The following COL15A1 variants were observed in gnomAD, a reference collection of about 807,000 sequenced individuals.
The protein encoded by COL15A1 is collagen alpha-1(XV) chain.
A neutral mutation model predicts 165.9 loss-of-function variants in COL15A1; 111 were observed. That is an observed-to-expected ratio of 0.67 (90% confidence interval 0.57 to 0.78). The LOEUF (loss-of-function observed/expected upper bound fraction) is 0.78. COL15A1 is among the 30% of genes least tolerant of loss of function. The pLI is 0.00. For synonymous variants in COL15A1, 659 were observed against 674.8 expected (o/e 0.98, Z 0.36); for missense variants, 1,745 against 1,789.7 (o/e 0.98, Z 0.45).
intron 34 of COL15A1, 21 bp from the exon 35 acceptor site, chr9:99,056,236 GTTA>G (rs1472985944): frequency 6.2e-7 from 1 of 1,612,466 alleles, no homozygotes; most frequent in Non-Finnish European, 8.5e-7. Context: ...CTTTCTCTCT[GTTA>G]TTGTGTGCTT....
chr9:99,069,830 A>C lies in COL15A1; in HGVS notation c.4111A>C (p.Asn1371His), dbSNP rs1419681224. The C allele has an allele frequency of 6.2e-7, 1 of 1,614,222 alleles. No individual in the cohort carries two copies. Among genetic ancestry groups the C allele is most frequent in the Admixed American group, 1.7e-5 (1 of 60,034 alleles). ...ILDQKAYSCA[N>H]RLIVLCIENS... ...GGACCAGAAAGCATACAGCTGTGCT[A>C]ATCGGCTAATTGTCCTATGTATCGA... is the stretch of plus-strand genomic sequence containing the variant. The change falls in exon 42 of 42, where the codon AAT becomes CAT. Residue 1371 changes from asparagine (N) to histidine (H), a missense_variant. Asn to His is a moderately conservative substitution (Grantham distance 68). Coordinates refer to ENST00000375001, the MANE Select transcript of COL15A1 (RefSeq NM_001855.5).
chr9:98,995,070 C>A (rs762662871), intron 5 of COL15A1, among the ~76,000 whole-genome samples: 3 of 152,298 alleles, frequency 2.0e-5, no homozygotes, highest in Admixed American at 2.0e-4. Flanking sequence ...TACCAGCCAC[C>A]AGCAGCCTCA....
intron 40 of COL15A1, among the ~76,000 whole-genome samples, chr9:99,067,415 G>A (rs1825913459): frequency 6.6e-6 from 1 of 152,194 alleles, no homozygotes; most frequent in South Asian, 2.1e-4. Context: ...AGGCTCAGAA[G>A]AAGAAACCAG....
chr9:99,025,076 A>G (rs1839100520), intron 15 of COL15A1, 77 bp downstream of exon 15: 2 of 1,372,874 alleles, frequency 1.5e-6, no homozygotes. Context: ...ACAGATTGCA[A>G]AACCCAGCAC....
intron 13 of COL15A1, 36 bp downstream of exon 13, chr9:99,022,186 T>G: frequency 6.2e-7 from 1 of 1,613,518 alleles, no homozygotes; most frequent in Non-Finnish European, 8.5e-7. Context: ...CACACACAGG[T>G]GTAAGACCAG....
At position 98,950,673 on chromosome 9, in the gene COL15A1, C is replaced by T. The variant is rs999834707; in HGVS notation, c.100+6423C>T. Among the ~76,000 whole-genome samples the T allele has an allele frequency of 6.7e-5, 10 of 149,678 alleles. No homozygotes were observed. The East Asian group carries it at 1.4e-3, about 21-fold the overall frequency. The stretch of plus-strand genomic sequence containing the variant: ...TGTCACCCAGGCTGGAGTTGGTGGC[C>T]GGCCCATCTTGGCTCACTGCAACCT... On this transcript the variant is annotated intron_variant, in intron 2 of 41. Coordinates refer to ENST00000375001, the MANE Select transcript of COL15A1 (RefSeq NM_001855.5).
intron 18 of COL15A1, 90 bp from the exon 19 acceptor site, chr9:99,035,260 C>T: frequency 6.2e-7 from 1 of 1,600,888 alleles, no homozygotes. Flanking sequence ...TGCGGATTCC[C>T]CTGTGAGCCG....
At position 98,985,662 on chromosome 9, in the gene COL15A1, C is replaced by T. The variant is rs1458567774; in HGVS notation, c.198C>T (p.Ala66=). The part of the protein sequence containing the change: ...SFVTGYGGFP[A]YSFGPGANVG... Reference sequence around the variant, plus strand: ...TCACAGGCTATGGTGGCTTCCCGGCCTACAGTTTCGGGCCTGGTGCCAATG... The same window carrying T: ...TCACAGGCTATGGTGGCTTCCCGGCTTACAGTTTCGGGCCTGGTGCCAATG... The change falls in exon 3 of 42, where the codon GCC becomes GCT. Residue 66 remains alanine (A), a synonymous_variant. Coordinates refer to ENST00000375001, the MANE Select transcript of COL15A1 (RefSeq NM_001855.5). The T allele has an allele frequency of 2.5e-6, 4 of 1,614,144 alleles. No homozygotes were observed. The African/African-American group carries it at 5.3e-5, about 22-fold the overall frequency.
intron 35 of COL15A1, among the ~76,000 whole-genome samples, chr9:99,057,926 CG>C (rs1825750085): frequency 6.6e-6 from 1 of 152,034 alleles, no homozygotes; most frequent in Non-Finnish European, 1.5e-5. Context: ...GTGATAGAAA[CG>C]TAACTCAAAG....
intron 41 of COL15A1, among the ~76,000 whole-genome samples, chr9:99,069,054 C>A (rs753500595): frequency 4.6e-5 from 7 of 152,214 alleles, no homozygotes; most frequent in Admixed American, 4.6e-4. Context: ...CTGTGATTTG[C>A]ACTCTAAATC....
At chr9:99,043,611 A>G (rs1839448585) in intron 24 of COL15A1, among the ~76,000 whole-genome samples, 1 of 151,976 alleles carries the variant, frequency 6.6e-6, no homozygotes, top group South Asian at 2.1e-4. Flanking sequence ...TTTCCTCATC[A>G]GTGGAGTGGT....
In COL15A1 at chr9:98,971,363, G is replaced by A. The variant is rs1277524285; in HGVS notation, c.101-14202G>A. On this transcript the variant is annotated intron_variant, in intron 2 of 41. Coordinates refer to ENST00000375001, the MANE Select transcript of COL15A1 (RefSeq NM_001855.5). ...GCTGAGCCCTCCAGAGCTGCCTGCC[G>A]GGTGGGGGTGATGACTCATTTCAGT... is the stretch of plus-strand genomic sequence containing the variant. 3.9e-5 allele frequency among the ~76,000 whole-genome samples: 6 copies of A among 152,122 alleles called. No homozygotes were observed. In the South Asian group the frequency reaches 6.2e-4, roughly 16 times the overall value.
Position 99,023,425 on chromosome 9 carries a change from GGT to G in COL15A1, c.1832_1833del (p.Val611GlyfsTer3), listed in dbSNP as rs1460625637. 1 of 1,496,520 alleles carries G rather than the reference GGT, an allele frequency of 6.7e-7. No homozygotes were observed. The highest frequency in any genetic ancestry group is 1.4e-5 in the African/African-American group (1 of 72,320). The allele number at this position is 1,496,520 out of a possible 1,614,324, so 92.7% of individuals were successfully genotyped here. ...ACGTCGGCTCTGGCTCTGGTGACCT[GGT>G]GGGCAGTGAGCAGCTGCTGAGAGTG... ...SDVGSGSGDL[V>X]GSEQLLRGPP... On this transcript the variant is annotated frameshift_variant, in exon 14 of 42. Coordinates refer to ENST00000375001, the MANE Select transcript of COL15A1 (RefSeq NM_001855.5). LOFTEE classifies it high-confidence loss of function.
intron 11 of COL15A1, among the ~76,000 whole-genome samples, chr9:99,019,837 A>G (rs578193861): frequency 2.6e-4 from 39 of 152,148 alleles, no homozygotes; most frequent in Admixed American, 6.5e-4. Flanking sequence ...TATTTTGCAG[A>G]TGAGGCCCAG....
intron 11 of COL15A1, among the ~76,000 whole-genome samples, chr9:99,019,876 C>G (rs1260557840): frequency 2.0e-5 from 3 of 152,050 alleles, no homozygotes. Context: ...TCCTAGGGGT[C>G]CAGTAGGAGT....
intron 22 of COL15A1, among the ~76,000 whole-genome samples, chr9:99,039,103 C>T (rs780709736): frequency 2.6e-5 from 4 of 152,096 alleles, no homozygotes; most frequent in African/African-American, 7.2e-5. Flanking sequence ...TCAAGGGAAA[C>T]GAGGAAGAAA....
intron 7 of COL15A1, 32 bp from the exon 8 acceptor site, chr9:99,003,421 G>T (rs751252153): frequency 7.0e-7 from 1 of 1,426,732 alleles, no homozygotes; most frequent in Non-Finnish European, 9.3e-7. Context: ...GGAGCCCAGA[G>T]ACATGGTCTC....
chr9:99,047,799 C>A lies in COL15A1; in HGVS notation c.2693C>A (p.Pro898Gln). The A allele has an allele frequency of 6.2e-7, 1 of 1,614,058 alleles. No individual in the cohort carries two copies. The highest frequency in any genetic ancestry group is 8.5e-7 in the Non-Finnish European group (1 of 1,179,980). The change falls in exon 27 of 42, where the codon CCA (proline) becomes CAA (glutamine). Residue 898 changes from proline to glutamine, a missense_variant. Transcript: ENST00000375001. ...GAPGPMGPKG[P>Q]PGHKGEFGLP... ...TTTTGCCTCTAGGGGCCCAAAGGAC[C>A]ACCAGGACATAAAGGAGAATTTGGC...
At chr9:98,959,988 C>G (rs969839984) in intron 2 of COL15A1, among the ~76,000 whole-genome samples, 1 of 152,190 alleles carries the variant, frequency 6.6e-6, no homozygotes, top group Non-Finnish European at 1.5e-5. Context: ...CTTCTCCAAG[C>G]CTTTGCTTGC....
Sources: allele counts gnomAD v4.1 joint callset (sites outside exome capture counted in the v4.1 genomes callset), GRCh38; gene constraint gnomAD v4.1.1; transcripts MANE v1.5; gene names NCBI Gene and HGNC (gene_info 2026-07-23, HGNC 2026-07-21).